The following SLC30A10 variants were observed in gnomAD, a reference collection of about 807,000 sequenced individuals.
The protein encoded by SLC30A10 is calcium/manganese antiporter SLC30A10.
In SLC30A10, 8 loss-of-function variants were observed where a neutral mutation model predicts 21.7. The observed-to-expected ratio is 0.37, with a 90% CI of 0.22 to 0.67. SLC30A10 has a LOEUF of 0.67. SLC30A10 is among the 30% of genes least tolerant of loss of function. SLC30A10 has a pLI of 0.58. For synonymous variants in SLC30A10, 272 were observed against 279.4 expected, an observed-to-expected ratio of 0.97 and a Z score of 0.26; for missense variants, 521 against 642.5, an observed-to-expected ratio of 0.81 and a Z score of 2.04.
Position 219,913,654 on chromosome 1 carries a change from T to C in SLC30A10, c.*1795A>G, listed in dbSNP as rs1209018170. The C allele has an allele frequency of 6.6e-6, 1 of 152,252 alleles. No individual in the cohort carries two copies. The highest frequency in any genetic ancestry group is 2.1e-4 in the South Asian group (1 of 4,834). The allele number at this position is 152,252 out of a possible 1,614,324, so 9.4% of individuals were successfully genotyped here. ...TACTAAAAATAGAAATTCTTACTTA[T>C]TAACCCCTTTGAGCTTATAAAGGGC... On this transcript the variant is annotated 3_prime_UTR_variant, in exon 4 of 4. Transcript: ENST00000366926.
chr1:219,927,492 A>C (rs1460701567), intron 1 of SLC30A10, among the ~76,000 whole-genome samples: 1 of 151,978 alleles, frequency 6.6e-6, no homozygotes, highest in South Asian at 2.1e-4. Flanking sequence ...CCGATTTCCA[A>C]GAAAATCAAT....
chr1:219,954,552 C>T lies in SLC30A10; in HGVS notation n.80+4016G>A, dbSNP rs1038085167. ...AAAATTAGCTGGGCATAGTGGCGCA[C>T]GCCTGTAATCCCAGTTACTTGGGAG... is the stretch of plus-strand genomic sequence containing the variant. On this transcript the variant is annotated intron_variant and non_coding_transcript_variant, in intron 1 of 8. Coordinates refer to the SLC30A10 transcript ENST00000484239. Among the ~76,000 whole-genome samples, 35 of 151,844 alleles carry T rather than the reference C, an allele frequency of 2.3e-4. 1 individual carries two copies. Among genetic ancestry groups the T allele is most frequent in the African/African-American group, 6.3e-4 (26 of 41,406 alleles).
chr1:219,943,738 G>C (rs531870972), intron 1 of SLC30A10, among the ~76,000 whole-genome samples: 1 of 152,214 alleles, frequency 6.6e-6, no homozygotes, highest in Non-Finnish European at 1.5e-5. Flanking sequence ...TCTCAGCAAA[G>C]AAATAGAAGA....
At chr1:219,936,663 C>G (rs1359932706) in intron 1 of SLC30A10, among the ~76,000 whole-genome samples, 1 of 152,190 alleles carries the variant, frequency 6.6e-6, no homozygotes, top group Non-Finnish European at 1.5e-5. Flanking sequence ...GAGGATGTGA[C>G]TTGGAGCCCC....
intron 3 of SLC30A10, among the ~76,000 whole-genome samples, chr1:219,916,364 G>A (rs2102525051): frequency 6.6e-6 from 1 of 152,288 alleles, no homozygotes; most frequent in Non-Finnish European, 1.5e-5. Context: ...AAATATGTAT[G>A]TACAAGAATG....
In SLC30A10 at chr1:219,918,123, C is replaced by T. The variant is rs1659590498; in HGVS notation, c.958+132G>A. The T allele has an allele frequency of 1.3e-5, 16 of 1,194,432 alleles. No individual in the cohort carries two copies. Among genetic ancestry groups the T allele is most frequent in the Non-Finnish European group, 1.9e-5 (16 of 843,946 alleles). The allele number at this position is 1,194,432 out of a possible 1,614,324, so 74.0% of individuals were successfully genotyped here. A position where few individuals can be genotyped will look rare whatever the true frequency, so the allele number is the denominator to read the frequency against. On this transcript the variant is annotated intron_variant, in intron 3 of 3. Coordinates refer to ENST00000366926, the MANE Select transcript of SLC30A10 (RefSeq NM_018713.3). This position sits in a 1 kb window ranked among gnomAD's most constrained non-coding sequence, Gnocchi z 4.4. Reference sequence around the variant, plus strand: ...TAATAGGCTATAAAACATATGATGACATCTCTACCACCTGGTGATTTAAGG... The same window carrying T: ...TAATAGGCTATAAAACATATGATGATATCTCTACCACCTGGTGATTTAAGG...
At chr1:219,951,114 C>G (rs1425822328) in intron 1 of SLC30A10, among the ~76,000 whole-genome samples, 1 of 152,114 alleles carries the variant, frequency 6.6e-6, no homozygotes, top group African/African-American at 2.4e-5. Flanking sequence ...GCACGCACCA[C>G]CACATCTGGC....
chr1:219,938,215 A>G (rs1660072886), intron 1 of SLC30A10, among the ~76,000 whole-genome samples: 1 of 152,180 alleles, frequency 6.6e-6, no homozygotes, highest in Non-Finnish European at 1.5e-5. Flanking sequence ...GCTTCTTCCC[A>G]TCAGGATAAG....
intron 2 of SLC30A10, among the ~76,000 whole-genome samples, chr1:219,925,780 C>T (rs1358044305): frequency 2.1e-4 from 31 of 148,866 alleles, no homozygotes; most frequent in African/African-American, 5.7e-4. Flanking sequence ...CTCAGCCTCC[C>T]GAGTAGCTGG....
chr1:219,954,407 C>T (rs1391900542), intron 1 of SLC30A10, among the ~76,000 whole-genome samples: 1 of 152,000 alleles, frequency 6.6e-6, no homozygotes, highest in East Asian at 1.9e-4. Flanking sequence ...TAGCCGGGCA[C>T]AGTGGTTCAC....
At chr1:219,954,481 A>G (rs1051140462) in intron 1 of SLC30A10, among the ~76,000 whole-genome samples, 1 of 152,106 alleles carries the variant, frequency 6.6e-6, no homozygotes, top group Admixed American at 6.5e-5. Flanking sequence ...GGAGTTCAAG[A>G]CCAGCCTGGC....
At chr1:219,940,779 G>T (rs1660109491) in intron 1 of SLC30A10, among the ~76,000 whole-genome samples, 1 of 152,168 alleles carries the variant, frequency 6.6e-6, no homozygotes, top group African/African-American at 2.4e-5. Flanking sequence ...ATGGGATCTA[G>T]GCAGGACAAT....
intron 3 of SLC30A10, among the ~76,000 whole-genome samples, chr1:219,917,540 A>G (rs1659571817): frequency 6.6e-6 from 1 of 152,152 alleles, no homozygotes; most frequent in African/African-American, 2.4e-5. Context: ...ATTAACTAGA[A>G]AGCAGGGTCT....
At chr1:219,954,638 A>C (rs1054140982) in intron 1 of SLC30A10, among the ~76,000 whole-genome samples, 3 of 148,654 alleles carry the variant, frequency 2.0e-5, no homozygotes, top group Non-Finnish European at 4.5e-5. Context: ...CAAAGATCAT[A>C]CCACTGCACT....
chr1:219,931,093 G>A (rs529021893), upstream of SLC30A10, among the ~76,000 whole-genome samples: 1 of 152,200 alleles, frequency 6.6e-6, no homozygotes, highest in African/African-American at 2.4e-5. Context: ...AAATAAGTGA[G>A]GGAAGCCTGG....
chr1:219,927,721 G>A (rs1341593910), intron 1 of SLC30A10, 80 bp downstream of exon 1: 17 of 1,278,556 alleles, frequency 1.3e-5, no homozygotes, highest in African/African-American at 7.9e-5. Flanking sequence ...AGAAAAAGAG[G>A]GCGTGGGGTG....
chr1:219,952,093 GA>G (rs1660280288), intron 1 of SLC30A10, among the ~76,000 whole-genome samples: 1 of 152,080 alleles, frequency 6.6e-6, no homozygotes, highest in African/African-American at 2.4e-5. Context: ...TTGTGGATGT[GA>G]AATAGAGCAG....
intron 1 of SLC30A10, among the ~76,000 whole-genome samples, chr1:219,941,962 G>T (rs1055410684): frequency 6.6e-6 from 1 of 152,338 alleles, no homozygotes; most frequent in East Asian, 1.9e-4. Flanking sequence ...GCCCTGGCCA[G>T]GTCTGGCAGA....
At chr1:219,953,452 C>T (rs932579076) in intron 1 of SLC30A10, among the ~76,000 whole-genome samples, 3 of 151,452 alleles carry the variant, frequency 2.0e-5, no homozygotes, top group African/African-American at 4.8e-5. Flanking sequence ...AAAAATTAGC[C>T]GGGTGTGGTG....
Sources: allele counts gnomAD v4.1 joint callset (sites outside exome capture counted in the v4.1 genomes callset), GRCh38; gene constraint gnomAD v4.1.1; non-coding constraint Gnocchi (gnomAD v3.1); transcripts MANE v1.5; gene names NCBI Gene and HGNC (gene_info 2026-07-23, HGNC 2026-07-21).